The following TAMALIN variants were observed in gnomAD, a reference collection of about 807,000 sequenced individuals.
TAMALIN encodes the protein trafficking regulator and scaffold protein tamalin, also known as protein TAMALIN.
In TAMALIN, 9 loss-of-function variants were observed where a neutral mutation model predicts 38.5. The observed-to-expected ratio is 0.23, with a 90% CI of 0.14 to 0.41. TAMALIN has a LOEUF of 0.41. Among genes scored for constraint, TAMALIN ranks in the 10% least tolerant of loss-of-function variants. The pLI is 1.00. For missense variants in TAMALIN, 548 were observed against 554.1 expected (o/e 0.99, Z 0.11); for synonymous variants, 306 against 256.5 (o/e 1.19, Z -1.85).
At chr12:52,008,310 C>T in intron 1 of TAMALIN, 5 of 985,252 alleles carry the variant, frequency 5.1e-6, no homozygotes, top group Non-Finnish European at 6.0e-6. Flanking sequence ...TGGGACTGGA[C>T]CTCCTCCCAG....
In TAMALIN at chr12:52,011,388, G is replaced by A. The variant is rs1937640834; in HGVS notation, c.454+247G>A. 1 of 624,970 alleles carries A rather than the reference G, an allele frequency of 1.6e-6. No homozygotes were observed. Among genetic ancestry groups the A allele is most frequent in the East Asian group, 2.8e-5 (1 of 36,348 alleles). The allele number at this position is 624,970 out of a possible 1,614,324, so 38.7% of individuals were successfully genotyped here. On this transcript the variant is annotated intron_variant, in intron 4 of 7. Transcript: ENST00000293662. The surrounding 1 kb of genome is among the most constrained non-coding windows in gnomAD (Gnocchi z 5.3). Reference sequence around the variant, plus strand: ...CATCCAAACATCACAGTGCGGCAAGGGGATTCCCTGGGCACACTGCCAGGG... The same window carrying A: ...CATCCAAACATCACAGTGCGGCAAGAGGATTCCCTGGGCACACTGCCAGGG...
chr12:52,011,576 G>A lies in TAMALIN; in HGVS notation c.454+435G>A, dbSNP rs909482483. 2.7e-5 allele frequency among the ~76,000 whole-genome samples: 4 copies of A among 148,832 alleles called. No individual in the cohort carries two copies. The highest frequency in any genetic ancestry group is 5.9e-5 in the Non-Finnish European group (4 of 67,600). On this transcript the variant is annotated intron_variant, in intron 4 of 7. Coordinates refer to ENST00000293662, the MANE Select transcript of TAMALIN (RefSeq NM_181711.4). The surrounding 1 kb of genome is among the most constrained non-coding windows in gnomAD (Gnocchi z 5.3). ...AAAATGGGCCCAGTGCTGAGGAACC[G>A]ATGTTACTCCCTTTTAAAAAATTAG...
chr12:52,015,215 G>C lies in TAMALIN; in HGVS notation c.*16G>C. On this transcript the variant is annotated 3_prime_UTR_variant, in exon 8 of 8. Transcript: ENST00000293662. ...CCAGCTGTAGGGGCGGGGGCGGGCA[G>C]GGAGGTATTTATTTATTTATTCGCA... 1 of 1,577,702 alleles carries C rather than the reference G, an allele frequency of 6.3e-7. No homozygotes were observed. Among genetic ancestry groups the C allele is most frequent in the Non-Finnish European group, 8.5e-7 (1 of 1,171,388 alleles).
In TAMALIN at chr12:52,010,902, G is replaced by A. The variant is rs144377377; in HGVS notation, c.318G>A (p.Lys106=). The A allele has an allele frequency of 1.6e-5, 26 of 1,614,158 alleles. No individual in the cohort carries two copies. Among genetic ancestry groups the A allele is most frequent in the Non-Finnish European group, 1.9e-5 (23 of 1,180,040 alleles). ...GCAGGAAAGTGCTGACGTTGGAGAA[G>A]GAGGATAACCAGACCTTCGGCTTTG... is the stretch of plus-strand genomic sequence containing the variant. ...EQQRKVLTLE[K]EDNQTFGFEI... is the part of the protein sequence containing the mutation. Residue 106 remains lysine, a synonymous_variant, in exon 3 of 8, where the codon AAG becomes AAA. Coordinates refer to ENST00000293662, the MANE Select transcript of TAMALIN (RefSeq NM_181711.4).
At position 52,014,916 on chromosome 12, in the gene TAMALIN, C is replaced by T. The variant is rs1158578581; in HGVS notation, c.905C>T (p.Pro302Leu). ...DSEPPALPPP[P>L]PPARAFGPGP... is the part of the protein sequence containing the mutation. The stretch of plus-strand genomic sequence containing the variant: ...GAGCCGCCGGCGCTGCCGCCCCCGC[C>T]GCCCCCGGCCCGCGCCTTCGGCCCG... The change falls in exon 8 of 8, where the codon CCG becomes CTG. Residue 302 changes from proline to leucine, a missense_variant. Around this residue, in one of 3 missense-constraint regions of TAMALIN, gnomAD observed 415 missense variants for 417.0 expected, o/e 1.00. Transcript: ENST00000293662. 2.7e-6 allele frequency: 3 copies of T among 1,094,526 alleles called. No homozygotes were observed. The highest frequency in any genetic ancestry group is 2.2e-6 in the Non-Finnish European group (2 of 897,516). 67.8% of individuals were successfully genotyped at this position (1,094,526 alleles called of 1,614,324 possible). A position where few individuals can be genotyped will look rare whatever the true frequency, so the allele number is the denominator to read the frequency against.
rs1592273960 is a variant in TAMALIN, at chr12:52,013,961, A to G, written c.615+18A>G. 1 of 1,612,944 alleles carries G rather than the reference A, an allele frequency of 6.2e-7. No homozygotes were observed. The highest frequency in any genetic ancestry group is 2.2e-5 in the East Asian group (1 of 44,874). On this transcript the variant is annotated intron_variant, in intron 6 of 7. Coordinates refer to ENST00000293662, the MANE Select transcript of TAMALIN (RefSeq NM_181711.4). The stretch of plus-strand genomic sequence containing the variant: ...ACCTGAAGGTAGGGGAACCTAGATA[A>G]CGTCCAGCCTCCACCCTCCTCTTCC...
At chr12:52,008,652 G>T (rs1414049502) in intron 1 of TAMALIN, 1 of 985,290 alleles carries the variant, frequency 1.0e-6, no homozygotes, top group Admixed American at 6.1e-5. Context: ...GGGATTGCCA[G>T]CCCTTCGGGA....
In TAMALIN at chr12:52,014,989, C is replaced by A; in HGVS notation, c.978C>A (p.Ala326=). Residue 326 remains alanine (A), a synonymous_variant, in exon 8 of 8, where the codon GCC becomes GCA. Transcript: ENST00000293662. ...TGGGGCCGGGCCCTGGGCCGCGGGC[C>A]GCGCTGAGCCGCAGCGCCAGTGTGC... ...PAVGPGPGPR[A]ALSRSASVRC... is the part of the protein sequence containing the mutation. The A allele has an allele frequency of 1.0e-6, 1 of 978,590 alleles. No individual in the cohort carries two copies. The highest frequency in any genetic ancestry group is 1.2e-6 in the Non-Finnish European group (1 of 822,042). The allele number at this position is 978,590 out of a possible 1,614,324, so 60.6% of individuals were successfully genotyped here.
chr12:52,007,541 C>G lies in TAMALIN; in HGVS notation c.246+276C>G, dbSNP rs7964205. The G allele has an allele frequency of 0.036, 35,785 of 984,150 alleles. 714 individuals are homozygous for G. The highest frequency in any genetic ancestry group is 0.071 in the African/African-American group (4,080 of 57,232). 61.0% of individuals were successfully genotyped at this position (984,150 alleles called of 1,614,324 possible). ...CTCCCAGCACCCCCCTTCTCCTACC[C>G]GCTCCATCTGGCTTTCTGCCCCCCA... is the stretch of plus-strand genomic sequence containing the variant. On this transcript the variant is annotated intron_variant, in intron 1 of 7. Transcript: ENST00000293662. The surrounding 1 kb of genome is among the most constrained non-coding windows in gnomAD (Gnocchi z 6.7).
chr12:52,008,628 C>T (rs1664912741), intron 1 of TAMALIN: 7 of 985,340 alleles, frequency 7.1e-6, no homozygotes, highest in Non-Finnish European at 8.4e-6. Context: ...CACCTCTGAC[C>T]CCACATTCTG....
intron 2 of TAMALIN, among the ~76,000 whole-genome samples, 188 bp downstream of exon 2, chr12:52,009,427 A>T (rs1329551175): frequency 9.9e-5 from 15 of 152,194 alleles, no homozygotes; most frequent in Non-Finnish European, 2.2e-4. Flanking sequence ...GAAAGGAGGT[A>T]GGGACTTTTG....
Position 52,008,446 on chromosome 12 carries a change from G to A in TAMALIN, c.247-744G>A, listed in dbSNP as rs1030628067. 3.2e-5 allele frequency: 31 copies of A among 975,886 alleles called. No homozygotes were observed. In the African/African-American group the frequency reaches 5.4e-4, roughly 17 times the overall value. The allele number at this position is 975,886 out of a possible 1,614,324, so 60.5% of individuals were successfully genotyped here. A position where few individuals can be genotyped will look rare whatever the true frequency, so the allele number is the denominator to read the frequency against. ...CCACCCCTAAAGAACTCCCAGTCTC[G>A]GTCCTTTAGTGAGACTTGCTGACAA... On this transcript the variant is annotated intron_variant, in intron 1 of 7. Transcript: ENST00000293662.
At position 52,015,070 on chromosome 12, in the gene TAMALIN, T is replaced by A. The variant is rs1344109977; in HGVS notation, c.1059T>A (p.Thr353=). ...GGGGAPGALW[T]EAREQALCGP... ...GGGGCGCGCCGGGCGCGCTCTGGACTGAGGCTCGCGAGCAGGCCCTATGCG... is the reference window on the plus strand; with the variant it reads ...GGGGCGCGCCGGGCGCGCTCTGGACAGAGGCTCGCGAGCAGGCCCTATGCG... Residue 353 remains threonine (T), a synonymous_variant, in exon 8 of 8, where the codon ACT becomes ACA. Transcript: ENST00000293662. 8.7e-6 allele frequency: 13 copies of A among 1,492,618 alleles called. No homozygotes were observed. The South Asian group carries it at 1.6e-4, about 19-fold the overall frequency. The allele number at this position is 1,492,618 out of a possible 1,614,324, so 92.5% of individuals were successfully genotyped here.
intron 6 of TAMALIN, 44 bp downstream of exon 6, chr12:52,013,987 C>T (rs757333139): frequency 6.3e-7 from 1 of 1,598,824 alleles, no homozygotes; most frequent in Admixed American, 1.7e-5. Flanking sequence ...CTCCTCTTCC[C>T]AAGCCTCTGC....
At position 52,014,982 on chromosome 12, in the gene TAMALIN, C is replaced by T; in HGVS notation, c.971C>T (p.Pro324Leu). Residue 324 changes from proline (P) to leucine (L), a missense_variant, in exon 8 of 8, where the codon CCG (proline) becomes CTG (leucine). This residue lies in a region of TAMALIN where 415 missense variants were observed against 417.0 expected (regional missense o/e 1.00). Transcript: ENST00000293662. ...CCTGCCGTGGGGCCGGGCCCTGGGC[C>T]GCGGGCCGCGCTGAGCCGCAGCGCC... ...ETPAVGPGPG[P>L]RAALSRSASV... is the part of the protein sequence containing the mutation. 2 of 973,708 alleles carry T rather than the reference C, an allele frequency of 2.1e-6. No individual in the cohort carries two copies. Among genetic ancestry groups the T allele is most frequent in the South Asian group, 4.6e-5 (1 of 21,506 alleles). 60.3% of individuals were successfully genotyped at this position (973,708 alleles called of 1,614,324 possible).
intron 7 of TAMALIN, 33 bp from the exon 8 acceptor site, chr12:52,014,661 G>C: frequency 2.8e-6 from 4 of 1,438,214 alleles, no homozygotes; most frequent in Non-Finnish European, 1.8e-6. Context: ...GTCCAGGCCT[G>C]ACCCGCCCCC....
chr12:52,008,858 C>A, intron 1 of TAMALIN: 1 of 641,808 alleles, frequency 1.6e-6, no homozygotes, highest in Non-Finnish European at 1.9e-6. Context: ...CAGACATGGG[C>A]CCTAGGGGTG....
Position 52,011,854 on chromosome 12 carries a change from C to G in TAMALIN, c.454+713C>G, listed in dbSNP as rs1217986103. On this transcript the variant is annotated intron_variant, in intron 4 of 7. Coordinates refer to ENST00000293662, the MANE Select transcript of TAMALIN (RefSeq NM_181711.4). This position sits in a 1 kb window ranked among gnomAD's most constrained non-coding sequence, Gnocchi z 5.3. ...CTGAAACTGTATGAATCAATCCCCC[C>G]TCCACCATCTTTGCCCCTAAGCCCC... Among the ~76,000 whole-genome samples, 2 of 152,058 alleles carry G rather than the reference C, an allele frequency of 1.3e-5. No homozygotes were observed. Among genetic ancestry groups the G allele is most frequent in the Non-Finnish European group, 2.9e-5 (2 of 68,004 alleles).
chr12:52,013,464 T>C (rs906670350), intron 4 of TAMALIN: 1 of 544,292 alleles, frequency 1.8e-6, no homozygotes, highest in Non-Finnish European at 3.3e-6. Flanking sequence ...GACAACCTGG[T>C]AGTCACTACA....
Sources: allele counts gnomAD v4.1 joint callset (sites outside exome capture counted in the v4.1 genomes callset), GRCh38; gene constraint gnomAD v4.1.1; regional missense constraint gnomAD v4.1.1; non-coding constraint Gnocchi (gnomAD v3.1); transcripts MANE v1.5; gene names NCBI Gene and HGNC (gene_info 2026-07-23, HGNC 2026-07-21).